The following GPC5 variants were observed in gnomAD, a reference collection of about 807,000 sequenced individuals.
GPC5 encodes the protein glypican-5.
In GPC5, 47 loss-of-function variants were observed where a neutral mutation model predicts 53.9. That is an observed-to-expected ratio of 0.87 (90% CI 0.69 to 1.11). The LOEUF is 1.11. Among genes scored for constraint, GPC5 ranks in the 50% most tolerant of loss-of-function variants. The pLI is 0.00. For missense variants in GPC5, 748 were observed against 713.1 expected, an observed-to-expected ratio of 1.05 and a Z score of -0.56; for synonymous variants, 286 against 263.3, an observed-to-expected ratio of 1.09 and a Z score of -0.84.
chr13:91,759,198 A>G (rs2037357232), intron 5 of GPC5, among the ~76,000 whole-genome samples: 1 of 152,044 alleles, frequency 6.6e-6, no homozygotes, highest in African/African-American at 2.4e-5. Context: ...TAAAATTTTA[A>G]TTTTAGTCAT....
intron 7 of GPC5, among the ~76,000 whole-genome samples, chr13:92,467,494 C>G (rs1878743141): frequency 6.6e-6 from 1 of 152,018 alleles, no homozygotes; most frequent in South Asian, 2.1e-4. Flanking sequence ...AAATATTGAG[C>G]ATTTATTATG....
chr13:92,695,368 G>T (rs1887528282), intron 7 of GPC5, among the ~76,000 whole-genome samples: 1 of 152,136 alleles, frequency 6.6e-6, no homozygotes, highest in East Asian at 1.9e-4. Context: ...TGTGTGTGTG[G>T]TTGTTCATCA....
At chr13:92,715,520 AAC>A (rs1354142072) in intron 7 of GPC5, among the ~76,000 whole-genome samples, 2 of 152,244 alleles carry the variant, frequency 1.3e-5, no homozygotes, top group Non-Finnish European at 2.9e-5. Flanking sequence ...CAGCAAATAA[AAC>A]AGAGAATTAA....
chr13:92,746,912 C>G (rs1007605765), intron 7 of GPC5, among the ~76,000 whole-genome samples: 1 of 152,086 alleles, frequency 6.6e-6, no homozygotes, highest in Non-Finnish European at 1.5e-5. Context: ...CTTACACAAA[C>G]CTAGGTGATG....
At chr13:92,025,924 G>A (rs565281211) in intron 6 of GPC5, among the ~76,000 whole-genome samples, 1 of 152,140 alleles carries the variant, frequency 6.6e-6, no homozygotes, top group East Asian at 1.9e-4. Flanking sequence ...TGATTCTTGG[G>A]CTGTTTTGAA....
chr13:91,983,659 T>C (rs941549341), intron 6 of GPC5, among the ~76,000 whole-genome samples: 1 of 152,178 alleles, frequency 6.6e-6, no homozygotes, highest in Admixed American at 6.5e-5. Flanking sequence ...TTCTAATGTG[T>C]AGTTCTGGAG....
At chr13:91,435,546 A>G (rs141631643) in intron 1 of GPC5, among the ~76,000 whole-genome samples, 3,005 of 152,268 alleles carry the variant, frequency 0.02, 47 homozygotes, top group Non-Finnish European at 0.029. Context: ...CCACTTGATC[A>G]TGGTGGATAA....
At chr13:92,138,460 C>T (rs2138973673) in intron 6 of GPC5, among the ~76,000 whole-genome samples, 1 of 151,706 alleles carries the variant, frequency 6.6e-6, no homozygotes, top group South Asian at 2.1e-4. Flanking sequence ...GCGGAGGTTG[C>T]AGTGAGCCGA....
intron 2 of GPC5, among the ~76,000 whole-genome samples, chr13:91,637,064 T>G (rs904721426): frequency 6.6e-6 from 1 of 152,226 alleles, no homozygotes; most frequent in South Asian, 2.1e-4. Flanking sequence ...TGCTGAATTA[T>G]TCAAGAAGTT....
At chr13:92,666,140 T>C (rs1331169034) in intron 7 of GPC5, among the ~76,000 whole-genome samples, 1 of 152,202 alleles carries the variant, frequency 6.6e-6, no homozygotes, top group Non-Finnish European at 1.5e-5. Flanking sequence ...CATCTACTTC[T>C]AGGAAATTAC....
intron 7 of GPC5, among the ~76,000 whole-genome samples, chr13:92,718,980 C>T (rs993406073): frequency 1.3e-4 from 20 of 151,690 alleles, no homozygotes; most frequent in African/African-American, 3.9e-4. Flanking sequence ...AGGTGATACC[C>T]CCCATTTAAC....
At chr13:92,119,166 A>T (rs2041624497) in intron 6 of GPC5, among the ~76,000 whole-genome samples, 1 of 152,102 alleles carries the variant, frequency 6.6e-6, no homozygotes, top group Non-Finnish European at 1.5e-5. Flanking sequence ...GGCAAGAGAG[A>T]GCATTTGTGC....
intron 1 of GPC5, among the ~76,000 whole-genome samples, chr13:91,415,740 C>T (rs1164858309): frequency 8.1e-4 from 6 of 7,450 alleles, no homozygotes; most frequent in Admixed American, 5.0e-3. Context: ...AGTCTTTTTG[C>T]GGGGGTGGGG....
intron 7 of GPC5, among the ~76,000 whole-genome samples, chr13:92,671,420 T>C (rs535994375): frequency 6.6e-6 from 1 of 152,334 alleles, no homozygotes; most frequent in Admixed American, 6.5e-5. Context: ...ATCTATCCAT[T>C]ACTCCAAAAT....
intron 7 of GPC5, among the ~76,000 whole-genome samples, chr13:92,214,533 A>G (rs1427856710): frequency 1.3e-5 from 2 of 152,166 alleles, no homozygotes; most frequent in African/African-American, 4.8e-5. Flanking sequence ...ACTCTGCTTT[A>G]GTCCATGATG....
At chr13:92,230,851 G>A (rs909300789) in intron 7 of GPC5, among the ~76,000 whole-genome samples, 1 of 152,116 alleles carries the variant, frequency 6.6e-6, no homozygotes, top group African/African-American at 2.4e-5. Context: ...AAATGTAAAG[G>A]TAGGATTTTT....
rs151125500 is a variant in GPC5 at position 91,585,143 on chromosome 13, T to C, written c.326-108044T>C. On this transcript the variant is annotated intron_variant, in intron 2 of 7. Coordinates refer to ENST00000377067, the MANE Select transcript of GPC5 (RefSeq NM_004466.6). ...GAGAAATGCAAATTAATGGCTCAAA[T>C]ATGAAAAGATTGCCAATACTAAATG... is the stretch of plus-strand genomic sequence containing the variant. 4.1e-3 allele frequency among the ~76,000 whole-genome samples: 627 copies of C among 152,262 alleles called. 2 individuals carry two copies. Among genetic ancestry groups the C allele is most frequent in the African/African-American group, 0.015 (611 of 41,550 alleles).
chr13:91,649,394 A>G (rs2034640513), intron 2 of GPC5, among the ~76,000 whole-genome samples: 1 of 152,134 alleles, frequency 6.6e-6, no homozygotes, highest in African/African-American at 2.4e-5. Flanking sequence ...AATAACAATA[A>G]CTACTACACA....
intron 1 of GPC5, among the ~76,000 whole-genome samples, chr13:91,421,921 A>G (rs1281882107): frequency 1.3e-5 from 2 of 152,210 alleles, no homozygotes; most frequent in Non-Finnish European, 2.9e-5. Context: ...TCCTGCTAAA[A>G]TTGCCCACAA....
Sources: allele counts gnomAD v4.1 joint callset (sites outside exome capture counted in the v4.1 genomes callset), GRCh38; gene constraint gnomAD v4.1.1; transcripts MANE v1.5; gene names NCBI Gene and HGNC (gene_info 2026-07-23, HGNC 2026-07-21).